CNGA1: variants seen among roughly 807,000 people sequenced by gnomAD.
The protein encoded by CNGA1 is cyclic nucleotide gated channel subunit alpha 1.
A neutral mutation model predicts 69.7 loss-of-function variants in CNGA1; 53 were observed. The observed-to-expected ratio is 0.76, with a 90% CI of 0.61 to 0.96. The LOEUF (loss-of-function observed/expected upper bound fraction) is 0.96, where lower values mean the gene tolerates loss of function less well. CNGA1 is among the 40% of genes least tolerant of loss of function. CNGA1 has a pLI of 0.00. For missense variants in CNGA1, 739 were observed against 811.2 expected (o/e 0.91, Z 1.08); for synonymous variants, 249 against 283.5 (o/e 0.88, Z 1.22).
At chr4:48,008,382 A>G (rs1715011915) in intron 2 of CNGA1, among the ~76,000 whole-genome samples, 2 of 152,120 alleles carry the variant, frequency 1.3e-5, no homozygotes, top group South Asian at 2.1e-4. Context: ...CTTTATTTCT[A>G]TAAGTTTCTT....
rs1738678531 is a variant in CNGA1, at chr4:47,936,852, T to C, written c.1630A>G (p.Ser544Gly). The change falls in exon 11 of 11, where the codon AGC (serine) becomes GGC (glycine). Residue 544 changes from serine to glycine, a missense_variant. Coordinates refer to ENST00000514170, the MANE Select transcript of CNGA1 (RefSeq NM_001379270.1). ...LSDGSYFGEI[S>G]ILNIKGSKAG... ...TTGCTCCCTTTAATGTTAAGAATGC[T>C]GATCTCACCGAAGTAGCTGCCATCG... 1 of 1,614,170 alleles carries C rather than the reference T, an allele frequency of 6.2e-7. No homozygotes were observed. The highest frequency in any genetic ancestry group is 8.5e-7 in the Non-Finnish European group (1 of 1,180,042).
Position 47,942,221 on chromosome 4 carries a change from G to A in CNGA1, c.438-73C>T, listed in dbSNP as rs184751295. On this transcript the variant is annotated intron_variant, in intron 8 of 10. Coordinates refer to ENST00000514170, the MANE Select transcript of CNGA1 (RefSeq NM_001379270.1). ...ATTTTTATTTACCATGTTAAACATC[G>A]TTATGCCCATCAACCACAATTAATG... is the stretch of plus-strand genomic sequence containing the variant. The A allele has an allele frequency of 5.0e-5, 46 of 925,512 alleles. No homozygotes were observed. In the East Asian group the frequency reaches 5.5e-4, roughly 11 times the overall value. The allele number at this position is 925,512 out of a possible 1,614,324, so 57.3% of individuals were successfully genotyped here. A position where few individuals can be genotyped will look rare whatever the true frequency, so the allele number is the denominator to read the frequency against.
At chr4:47,983,673 G>A (rs1042636488) in intron 2 of CNGA1, among the ~76,000 whole-genome samples, 1 of 152,156 alleles carries the variant, frequency 6.6e-6, no homozygotes, top group Non-Finnish European at 1.5e-5. Flanking sequence ...CCATGGCAGT[G>A]TCTTAAGTCT....
chr4:47,970,605 T>C (rs1740961754), intron 3 of CNGA1, among the ~76,000 whole-genome samples: 1 of 151,084 alleles, frequency 6.6e-6, no homozygotes, highest in Non-Finnish European at 1.5e-5. Flanking sequence ...TGGGCAGAGA[T>C]TGTGCCATTG....
Position 47,936,122 on chromosome 4 carries a change from A to C in CNGA1, c.*299T>G. ...AAGTGAGGGCTACTTATTCATTTTT[A>C]TGAAGAATATTACATAAAATGAGCG... is the stretch of plus-strand genomic sequence containing the variant. On this transcript the variant is annotated 3_prime_UTR_variant, in exon 11 of 11. Coordinates refer to ENST00000514170, the MANE Select transcript of CNGA1 (RefSeq NM_001379270.1). The C allele has an allele frequency of 4.8e-6, 2 of 417,476 alleles. No individual in the cohort carries two copies. The highest frequency in any genetic ancestry group is 8.6e-6 in the Non-Finnish European group (2 of 232,230). The allele number at this position is 417,476 out of a possible 1,614,324, so 25.9% of individuals were successfully genotyped here.
intron 9 of CNGA1, 119 bp from the exon 10 acceptor site, chr4:47,940,988 G>T: frequency 1.5e-6 from 1 of 662,502 alleles, no homozygotes; most frequent in Non-Finnish European, 2.7e-6. Flanking sequence ...GGCTAGGAGA[G>T]GTCCTTAGAG....
At chr4:47,979,089 C>T (rs1389712466) in intron 3 of CNGA1, among the ~76,000 whole-genome samples, 2 of 151,962 alleles carry the variant, frequency 1.3e-5, no homozygotes, top group East Asian at 3.9e-4. Context: ...GGGAGGCAGA[C>T]ATGGGAGGAT....
chr4:47,994,736 T>A (rs1256565010), intron 2 of CNGA1, among the ~76,000 whole-genome samples: 1 of 152,002 alleles, frequency 6.6e-6, no homozygotes, highest in Non-Finnish European at 1.5e-5. Context: ...TATACTTTGG[T>A]TTTTTGTTTT....
chr4:48,014,035 CT>C (rs1409946006), intron 1 of CNGA1, among the ~76,000 whole-genome samples: 1 of 152,220 alleles, frequency 6.6e-6, no homozygotes, highest in Non-Finnish European at 1.5e-5. Flanking sequence ...ACCATCACCC[CT>C]GGGTCTAAGT....
chr4:47,955,219 A>AT (rs1740011084), intron 3 of CNGA1, among the ~76,000 whole-genome samples: 2 of 121,656 alleles, frequency 1.6e-5, no homozygotes, highest in Admixed American at 2.2e-4. Flanking sequence ...GTCTCACTCT[A>AT]TCACCTAGGC....
intron 2 of CNGA1, among the ~76,000 whole-genome samples, chr4:48,004,712 A>G (rs935449542): frequency 3.9e-5 from 6 of 152,100 alleles, no homozygotes; most frequent in African/African-American, 1.4e-4. Flanking sequence ...AGGCCACACT[A>G]CTCTGAAGTC....
intron 1 of CNGA1, among the ~76,000 whole-genome samples, chr4:48,013,964 C>G (rs1188921372): frequency 2.0e-5 from 3 of 152,154 alleles, no homozygotes; most frequent in South Asian, 4.1e-4. Flanking sequence ...TCCCCAAGCT[C>G]GAAAGACCTG....
rs16860835 is a variant in CNGA1 at position 47,982,280 on chromosome 4, A to G, written c.-122-780T>C. Among the ~76,000 whole-genome samples the G allele has an allele frequency of 9.0e-3, 1,370 of 152,332 alleles. 17 individuals are homozygous for G. The highest frequency in any genetic ancestry group is 0.03 in the African/African-American group (1,256 of 41,568). The stretch of plus-strand genomic sequence containing the variant: ...TTCCATCTATTAGCTCCAAAAATAC[A>G]TCATGCATTCTCCAGTATTTGCAAT... On this transcript the variant is annotated intron_variant, in intron 2 of 10. Transcript: ENST00000514170.
intron 10 of CNGA1, among the ~76,000 whole-genome samples, chr4:47,939,032 GAGAA>G (rs1309079140): frequency 4.0e-5 from 6 of 150,640 alleles, no homozygotes; most frequent in South Asian, 2.1e-4. Flanking sequence ...AAGAAAGAAA[GAGAA>G]AGAAAGAAAG....
chr4:48,016,665 AGG>A lies in CNGA1; in HGVS notation c.-407_-406del. On this transcript the variant is annotated 5_prime_UTR_variant, in exon 1 of 11. Coordinates refer to ENST00000514170, the MANE Select transcript of CNGA1 (RefSeq NM_001379270.1). ...GAATTCGCAACAAGCCCCGGGCAGC[AGG>A]GCTCGGCTGGCGCTGAGGCCCCGCC... 1.7e-6 allele frequency: 1 copy of A among 580,238 alleles called. No individual in the cohort carries two copies. The highest frequency in any genetic ancestry group is 2.2e-5 in the South Asian group (1 of 45,096). The allele number at this position is 580,238 out of a possible 1,614,324, so 35.9% of individuals were successfully genotyped here.
chr4:47,959,830 T>G (rs1263424011), intron 3 of CNGA1, among the ~76,000 whole-genome samples: 1 of 152,124 alleles, frequency 6.6e-6, no homozygotes, highest in Non-Finnish European at 1.5e-5. Flanking sequence ...GCTCTCAAAC[T>G]CCTGACCTCA....
At chr4:47,951,989 G>A (rs998433757) in intron 4 of CNGA1, among the ~76,000 whole-genome samples, 14 of 152,184 alleles carry the variant, frequency 9.2e-5, no homozygotes, top group African/African-American at 3.4e-4. Context: ...AATGTCACTT[G>A]AGGAAAAGCC....
intron 2 of CNGA1, among the ~76,000 whole-genome samples, chr4:48,004,720 G>C (rs76933737): frequency 0.057 from 8,645 of 152,238 alleles, 460 homozygotes; most frequent in East Asian, 0.32. Context: ...CTACTCTGAA[G>C]TCCACATATC....
intron 3 of CNGA1, among the ~76,000 whole-genome samples, chr4:47,954,802 T>C (rs1739963455): frequency 6.6e-6 from 1 of 152,210 alleles, no homozygotes; most frequent in Non-Finnish European, 1.5e-5. Flanking sequence ...ACGAGCCTTT[T>C]TGAAGGGGGG....
Sources: gnomAD v4.1 joint callset for allele counts (sites outside exome capture counted in the v4.1 genomes callset) on GRCh38, gnomAD v4.1.1 for gene constraint, MANE v1.5 for transcripts, NCBI Gene and HGNC (gene_info 2026-07-23, HGNC 2026-07-21) for gene names.